PRKG1: variants seen among roughly 807,000 people sequenced by gnomAD.
PRKG1 encodes the protein protein kinase cGMP-dependent 1.
PRKG1 carries 35 observed loss-of-function variants against 88.1 expected under a neutral mutation model. That is an observed-to-expected ratio of 0.40 (90% CI 0.30 to 0.53). PRKG1 has a LOEUF of 0.53. Among genes scored for constraint, PRKG1 ranks in the 20% least tolerant of loss-of-function variants. The probability of loss-of-function intolerance (pLI) is 0.59; values close to 1 mark genes in which losing one functional copy is unlikely to be tolerated. For missense variants in PRKG1, 540 were observed against 839.8 expected (o/e 0.64, Z 4.41); for synonymous variants, 303 against 292.5 (o/e 1.04, Z -0.37).
intron 4 of PRKG1, among the ~76,000 whole-genome samples, chr10:51,896,252 G>A (rs1841843746): frequency 6.6e-6 from 1 of 152,100 alleles, no homozygotes; most frequent in African/African-American, 2.4e-5. Context: ...AATAATAACA[G>A]CATTCAGAAC....
chr10:51,270,218 T>A (rs549924965), intron 2 of PRKG1, among the ~76,000 whole-genome samples: 3 of 152,318 alleles, frequency 2.0e-5, no homozygotes, highest in Middle Eastern at 3.4e-3. Context: ...TTACTTTGTA[T>A]CAAATGGACA....
chr10:51,569,274 G>A (rs150476053), intron 3 of PRKG1, among the ~76,000 whole-genome samples: 328 of 152,110 alleles, frequency 2.2e-3, no homozygotes, highest in African/African-American at 7.3e-3. Flanking sequence ...TAACTTTATA[G>A]CAAGTATTGA....
chr10:51,644,607 A>G (rs562260605), intron 3 of PRKG1, among the ~76,000 whole-genome samples: 39 of 152,230 alleles, frequency 2.6e-4, no homozygotes, highest in Admixed American at 2.4e-3. Context: ...TATTATTATC[A>G]GATATGATAA....
chr10:51,413,511 C>G (rs1034099582), intron 2 of PRKG1, among the ~76,000 whole-genome samples: 1 of 152,008 alleles, frequency 6.6e-6, no homozygotes, highest in African/African-American at 2.4e-5. Flanking sequence ...AGGCACACAC[C>G]ACCACGCCCA....
At chr10:51,539,223 A>G (rs918847126) in intron 3 of PRKG1, among the ~76,000 whole-genome samples, 3 of 152,102 alleles carry the variant, frequency 2.0e-5, no homozygotes, top group South Asian at 2.1e-4. Flanking sequence ...CATTGTTAGG[A>G]TTTAATTTCA....
chr10:51,505,140 C>A (rs1841156553), intron 3 of PRKG1, among the ~76,000 whole-genome samples: 1 of 152,074 alleles, frequency 6.6e-6, no homozygotes, highest in Admixed American at 6.6e-5. Flanking sequence ...TTTTGAGATA[C>A]ATCCCATCAA....
At chr10:51,970,050 A>ACACACACCCC (rs983494491) in intron 5 of PRKG1, among the ~76,000 whole-genome samples, 1 of 133,470 alleles carries the variant, frequency 7.5e-6, no homozygotes, top group Non-Finnish European at 1.6e-5. Flanking sequence ...ACACACACAC[A>ACACACACCCC]CCCATATTTA....
intron 3 of PRKG1, among the ~76,000 whole-genome samples, chr10:51,710,841 G>A (rs74132575): frequency 0.021 from 3,172 of 152,096 alleles, 111 homozygotes; most frequent in African/African-American, 0.073. Context: ...GTTTTGGGGG[G>A]GGCGGGAAAT....
chr10:51,697,228 TA>T (rs1271587384), intron 3 of PRKG1: 1 of 155,794 alleles, frequency 6.4e-6, no homozygotes, highest in African/African-American at 2.4e-5. Context: ...TTTTGTATTT[TA>T]AATGGTTTAC....
chr10:51,026,119 AGCTAGGAGAGATGCATGGAACAG>A (rs1272628390), intron 1 of PRKG1, among the ~76,000 whole-genome samples: 1 of 152,166 alleles, frequency 6.6e-6, no homozygotes, highest in Non-Finnish European at 1.5e-5. Context: ...AACCACCAGA[AGCTAGGAGAGATGCATGGAACAG>A]GCTCCTCCTC....
At chr10:51,744,742 A>C (rs1258085894) in intron 3 of PRKG1, among the ~76,000 whole-genome samples, 1 of 152,192 alleles carries the variant, frequency 6.6e-6, no homozygotes, top group Non-Finnish European at 1.5e-5. Flanking sequence ...TGTACAGTAA[A>C]TGTTAGGAAA....
chr10:51,823,268 A>G (rs922743226), intron 4 of PRKG1, among the ~76,000 whole-genome samples: 11 of 152,186 alleles, frequency 7.2e-5, no homozygotes, highest in Admixed American at 2.0e-4. Context: ...AGACTTTAAT[A>G]AAAAGTCTAA....
chr10:51,708,190 T>C (rs1185261302), intron 3 of PRKG1, among the ~76,000 whole-genome samples: 1 of 152,172 alleles, frequency 6.6e-6, no homozygotes, highest in African/African-American at 2.4e-5. Flanking sequence ...TCTCCTTGGC[T>C]TGCAAATGGC....
intron 3 of PRKG1, among the ~76,000 whole-genome samples, chr10:51,733,783 C>G (rs1023998340): frequency 6.6e-6 from 1 of 152,072 alleles, no homozygotes; most frequent in African/African-American, 2.4e-5. Context: ...CACTTTTGAT[C>G]CTGCAATTGT....
At chr10:51,549,115 C>CTTTTTTTTTTTTTTTTTTT (rs1842514509) in intron 3 of PRKG1, among the ~76,000 whole-genome samples, 2 of 79,308 alleles carry the variant, frequency 2.5e-5, no homozygotes, top group South Asian at 5.8e-4. Flanking sequence ...TCTTTCTTTT[C>CTTTTTTTTTTTTTTTTTTT]TTTTCTTTTT....
chr10:51,970,711 GATATATATATATCAGATATATCAGATTAT>G, intron 5 of PRKG1, among the ~76,000 whole-genome samples: 1 of 136,174 alleles, frequency 7.3e-6, no homozygotes, highest in South Asian at 2.2e-4. Flanking sequence ...TATATCATCT[GATATATATATATCAGATATATCAGATTAT>G]ATATATATAT....
chr10:51,960,737 G>A (rs1361400591), intron 5 of PRKG1, among the ~76,000 whole-genome samples: 2 of 152,116 alleles, frequency 1.3e-5, no homozygotes, highest in Admixed American at 1.3e-4. Flanking sequence ...GATGAATCAC[G>A]TGTTTTATGC....
intron 2 of PRKG1, among the ~76,000 whole-genome samples, chr10:51,390,526 T>C (rs185398408): frequency 2.0e-5 from 3 of 152,248 alleles, no homozygotes; most frequent in Non-Finnish European, 2.9e-5. Context: ...GCTTTGAAGA[T>C]AACACGAGTT....
chr10:52,000,737 TAAA>T (rs1844572596), intron 5 of PRKG1, among the ~76,000 whole-genome samples: 2 of 151,842 alleles, frequency 1.3e-5, no homozygotes, highest in South Asian at 4.1e-4. Context: ...TTCGTGAACA[TAAA>T]AACACACTCT....
Sources: allele counts gnomAD v4.1 joint callset (sites outside exome capture counted in the v4.1 genomes callset), GRCh38; gene constraint gnomAD v4.1.1; transcripts MANE v1.5; gene names NCBI Gene and HGNC (gene_info 2026-07-23, HGNC 2026-07-21).